The following BIRC3 variants were observed in gnomAD, a reference collection of about 807,000 sequenced individuals.
The protein encoded by BIRC3 is baculoviral IAP repeat-containing protein 3.
Under a neutral mutation model 59.0 loss-of-function variants are expected in BIRC3, and 26 were observed. That is an observed-to-expected ratio of 0.44 (90% CI 0.32 to 0.61). The LOEUF is 0.61. Ranked by LOEUF, BIRC3 falls within the 20% of genes least tolerant of loss-of-function variation. The pLI is 0.04. For synonymous variants in BIRC3, 243 were observed against 249.2 expected, an observed-to-expected ratio of 0.98 and a Z score of 0.24; for missense variants, 641 against 711.5, an observed-to-expected ratio of 0.90 and a Z score of 1.13.
In BIRC3 at chr11:102,337,267, A is replaced by G; in HGVS notation, c.*165A>G. 2.1e-6 allele frequency: 1 copy of G among 470,482 alleles called. No homozygotes were observed. The highest frequency in any genetic ancestry group is 2.0e-5 in the African/African-American group (1 of 49,774). The allele number at this position is 470,482 out of a possible 1,614,324, so 29.1% of individuals were successfully genotyped here. A position where few individuals can be genotyped will look rare whatever the true frequency, so the allele number is the denominator to read the frequency against. On this transcript the variant is annotated 3_prime_UTR_variant, in exon 9 of 9. Transcript: ENST00000263464. The stretch of plus-strand genomic sequence containing the variant: ...ATATGTATCTAAACCATATGAACAT[A>G]TATTTTTTAGAAACTAAGAGAATGA...
At position 102,335,981 on chromosome 11, in the gene BIRC3, T is replaced by C. The variant is rs754305891; in HGVS notation, c.1340T>C (p.Ile447Thr). 1 of 1,606,432 alleles carries C rather than the reference T, an allele frequency of 6.2e-7. No individual in the cohort carries two copies. Among genetic ancestry groups the C allele is most frequent in the South Asian group, 1.1e-5 (1 of 89,308 alleles). Residue 447 changes from isoleucine (I) to threonine (T), a missense_variant, in exon 7 of 9, where the codon ATC becomes ACC. Coordinates refer to ENST00000263464, the MANE Select transcript of BIRC3 (RefSeq NM_001165.5). The stretch of plus-strand genomic sequence containing the variant: ...TTTTATAAAGATGATTTATTATTAA[T>C]CCGGAAGAATAGAATGGCACTTTTT... Reference protein sequence around the residue: ...EEKESNDLLLIRKNRMALFQH... With the variant: ...EEKESNDLLLTRKNRMALFQH...
intron 3 of BIRC3, among the ~76,000 whole-genome samples, chr11:102,326,272 A>G (rs1951079403): frequency 6.6e-6 from 1 of 152,236 alleles, no homozygotes; most frequent in African/African-American, 2.4e-5. Flanking sequence ...AAGAACAAAG[A>G]GGAGTTTAGA....
chr11:102,327,674 T>C (rs1026642527), intron 3 of BIRC3, among the ~76,000 whole-genome samples: 1 of 152,030 alleles, frequency 6.6e-6, no homozygotes, highest in African/African-American at 2.4e-5. Flanking sequence ...TAATGTATCT[T>C]GGCAAATATA....
At chr11:102,334,243 C>G (rs1298107010) in intron 6 of BIRC3, among the ~76,000 whole-genome samples, 1 of 152,138 alleles carries the variant, frequency 6.6e-6, no homozygotes, top group Non-Finnish European at 1.5e-5. Flanking sequence ...ATATTAAGTT[C>G]TAAGTCTTCT....
At position 102,337,283 on chromosome 11, in the gene BIRC3, AAG is replaced by A; in HGVS notation, c.*185_*186del. ...TATGAACATATATTTTTTAGAAACT[AAG>A]AGAATGATAGGCTTTTGTTCTTATG... On this transcript the variant is annotated 3_prime_UTR_variant, in exon 9 of 9. Coordinates refer to ENST00000263464, the MANE Select transcript of BIRC3 (RefSeq NM_001165.5). The A allele has an allele frequency of 2.3e-6, 1 of 433,802 alleles. No homozygotes were observed. The highest frequency in any genetic ancestry group is 3.9e-6 in the Non-Finnish European group (1 of 256,916). 26.9% of individuals were successfully genotyped at this position (433,802 alleles called of 1,614,324 possible). A position where few individuals can be genotyped will look rare whatever the true frequency, so the allele number is the denominator to read the frequency against.
chr11:102,336,832 G>A (rs2135793128), intron 8 of BIRC3, 31 bp downstream of exon 8: 1 of 1,591,002 alleles, frequency 6.3e-7, no homozygotes, highest in Non-Finnish European at 8.5e-7. Flanking sequence ...AATCAATAGA[G>A]AACATTGTCT....
Position 102,322,325 on chromosome 11 carries a change from C to G in BIRC3, c.-2185C>G, listed in dbSNP as rs1458179676. 6 of 207,172 alleles carry G rather than the reference C, an allele frequency of 2.9e-5. No homozygotes were observed. The highest frequency in any genetic ancestry group is 1.2e-4 in the Admixed American group (2 of 16,834). The allele number at this position is 207,172 out of a possible 1,614,324, so 12.8% of individuals were successfully genotyped here. A position where few individuals can be genotyped will look rare whatever the true frequency, so the allele number is the denominator to read the frequency against. ...ACACATTAAAATACTTCTACAGTGACAAAGAAAAATCAAGAACAAAGCTTT... is the reference window on the plus strand; with the variant it reads ...ACACATTAAAATACTTCTACAGTGAGAAAGAAAAATCAAGAACAAAGCTTT... On this transcript the variant is annotated 5_prime_UTR_variant, in exon 2 of 9. Transcript: ENST00000263464.
intron 1 of BIRC3, among the ~76,000 whole-genome samples, chr11:102,320,626 T>G (rs1475066870): frequency 6.6e-6 from 1 of 152,218 alleles, no homozygotes; most frequent in Non-Finnish European, 1.5e-5. Context: ...TGAAGGAATA[T>G]CCTTCCTTTC....
At chr11:102,334,000 C>A (rs1951172037) in intron 6 of BIRC3, among the ~76,000 whole-genome samples, 1 of 152,108 alleles carries the variant, frequency 6.6e-6, no homozygotes, top group Admixed American at 6.5e-5. Context: ...CTACTCAAGT[C>A]TTCTGAACTT....
chr11:102,331,088 A>T lies in BIRC3; in HGVS notation c.1171A>T (p.Ser391Cys). ...VINAAVEMGFSRSLVKQTVQR... is the reference protein window; with the variant it reads ...VINAAVEMGFCRSLVKQTVQR... ...TAATGCTGCCGTGGAAATGGGCTTT[A>T]GTAGAAGCCTGGTAAAACAGACAGT... is the stretch of plus-strand genomic sequence containing the variant. Residue 391 changes from serine to cysteine, a missense_variant, in exon 6 of 9, where the codon AGT (serine) becomes TGT (cysteine). This residue lies in a region of BIRC3 where 268 missense variants were observed against 255.7 expected (regional missense o/e 1.05). Transcript: ENST00000263464. The T allele has an allele frequency of 6.2e-7, 1 of 1,613,886 alleles. No individual in the cohort carries two copies. The highest frequency in any genetic ancestry group is 2.2e-5 in the East Asian group (1 of 44,800).
At position 102,328,879 on chromosome 11, in the gene BIRC3, TA is replaced by T. The variant is rs59068554; in HGVS notation, c.1033-17del. ...TAATTTATATATATATATATATATA[TA>T]TTTTTTTTTTCTGCAGCTGCTATCC... On this transcript the variant is annotated splice_polypyrimidine_tract_variant and intron_variant, in intron 4 of 8. Transcript: ENST00000263464. 238,382 of 656,972 alleles carry T rather than the reference TA, an allele frequency of 0.36. 26,788 individuals are homozygous for T. Among genetic ancestry groups the T allele is most frequent in the African/African-American group, 0.52 (23,766 of 45,290 alleles). 40.7% of individuals were successfully genotyped at this position (656,972 alleles called of 1,614,324 possible).
Position 102,336,041 on chromosome 11 carries a change from G to A in BIRC3, c.1400G>A (p.Ser467Asn), listed in dbSNP as rs377413987. Residue 467 changes from serine to asparagine, a missense_variant, in exon 7 of 9, where the codon AGT becomes AAT. By Grantham distance (46) the Ser-to-Asn change is conservative (BLOSUM62 1). Around this residue, in one of 4 missense-constraint regions of BIRC3, gnomAD observed 268 missense variants for 255.7 expected, o/e 1.05. Transcript: ENST00000263464. ...HLTCVIPILD[S>N]LLTAGIINEQ... ...ACTTGTGTAATTCCAATCCTGGATA[G>A]TCTACTAACTGCCGGAATTATTAAT... The A allele has an allele frequency of 1.9e-6, 3 of 1,613,684 alleles. No individual in the cohort carries two copies. The highest frequency in any genetic ancestry group is 2.2e-5 in the South Asian group (2 of 91,072).
At chr11:102,326,796 C>T in intron 3 of BIRC3, 1 of 454,576 alleles carries the variant, frequency 2.2e-6, no homozygotes, top group Non-Finnish European at 4.4e-6. Context: ...CAACCTCCGC[C>T]TCTTGGGTTC....
chr11:102,322,406 A>C lies in BIRC3; in HGVS notation c.-2104A>C, dbSNP rs971398407. On this transcript the variant is annotated 5_prime_UTR_variant, in exon 2 of 9. Coordinates refer to ENST00000263464, the MANE Select transcript of BIRC3 (RefSeq NM_001165.5). ...AAAAGATAAATGTGATGATTGGTCA[A>C]GAAATTATCCAGTTATTTACAAGGC... 5 of 207,416 alleles carry C rather than the reference A, an allele frequency of 2.4e-5. No homozygotes were observed. The highest frequency in any genetic ancestry group is 4.9e-5 in the Non-Finnish European group (5 of 101,700). 12.8% of individuals were successfully genotyped at this position (207,416 alleles called of 1,614,324 possible).
In BIRC3 at chr11:102,323,284, T is replaced by C. The variant is rs1220167091; in HGVS notation, c.-1226T>C. The C allele has an allele frequency of 5.1e-6, 1 of 194,176 alleles. No homozygotes were observed. Among genetic ancestry groups the C allele is most frequent in the Non-Finnish European group, 1.1e-5 (1 of 93,168 alleles). 12.0% of individuals were successfully genotyped at this position (194,176 alleles called of 1,614,324 possible). On this transcript the variant is annotated 5_prime_UTR_variant, in exon 2 of 9. Transcript: ENST00000263464. ...TTTTTAACAAAGGGAATGAAATATA[T>C]ATCATGATTCTGTTTTTCCAAAAGT...
chr11:102,338,863 A>C lies in BIRC3; in HGVS notation c.*1761A>C, dbSNP rs1044876775. On this transcript the variant is annotated 3_prime_UTR_variant, in exon 9 of 9. Transcript: ENST00000263464. Reference sequence around the variant, plus strand: ...ATTCAAGTTTCTGTGGCTTGCCTTCAGGGAGAATGAGGCTGAGACAGGAGG... The same window carrying C: ...ATTCAAGTTTCTGTGGCTTGCCTTCCGGGAGAATGAGGCTGAGACAGGAGG... 7 of 222,410 alleles carry C rather than the reference A, an allele frequency of 3.1e-5. No homozygotes were observed. Among genetic ancestry groups the C allele is most frequent in the Non-Finnish European group, 5.4e-5 (6 of 111,336 alleles). 13.8% of individuals were successfully genotyped at this position (222,410 alleles called of 1,614,324 possible).
intron 1 of BIRC3, among the ~76,000 whole-genome samples, chr11:102,318,515 C>A (rs1264200306): frequency 1.3e-5 from 2 of 152,196 alleles, no homozygotes; most frequent in African/African-American, 4.8e-5. Flanking sequence ...AGTGGGAGGG[C>A]AGGTACAGAG....
intron 6 of BIRC3, among the ~76,000 whole-genome samples, chr11:102,335,528 T>C (rs1279294474): frequency 6.6e-6 from 1 of 152,206 alleles, no homozygotes; most frequent in Non-Finnish European, 1.5e-5. Flanking sequence ...ATTTGTTAAA[T>C]GAGGCTATTA....
chr11:102,321,569 G>A (rs377290909), intron 1 of BIRC3, among the ~76,000 whole-genome samples: 7 of 152,214 alleles, frequency 4.6e-5, no homozygotes, highest in African/African-American at 1.7e-4. Context: ...TGGCCAGGCT[G>A]GTTTTGAACT....
Sources: gnomAD v4.1 joint callset for allele counts (sites outside exome capture counted in the v4.1 genomes callset) on GRCh38, gnomAD v4.1.1 for gene constraint, gnomAD v4.1.1 regional missense constraint, MANE v1.5 for transcripts, NCBI Gene and HGNC (gene_info 2026-07-23, HGNC 2026-07-21) for gene names.